MAF: variants seen among roughly 807,000 people sequenced by gnomAD.
MAF encodes transcription factor Maf.
Under a neutral mutation model 22.0 loss-of-function variants are expected in MAF, and 10 were observed. The observed-to-expected ratio is 0.45, with a 90% CI of 0.28 to 0.77. The LOEUF (loss-of-function observed/expected upper bound fraction) is 0.77, where lower values mean the gene tolerates loss of function less well. Among genes scored for constraint, MAF ranks in the 30% least tolerant of loss-of-function variants. The pLI, the probability that MAF is intolerant of heterozygous loss-of-function variation, is 0.12. For missense variants in MAF, 544 were observed against 548.4 expected (o/e 0.99, Z 0.08); for synonymous variants, 337 against 255.8 (o/e 1.32, Z -3.03).
At chr16:79,299,337 CAAAG>C in the MAF span, among the ~76,000 whole-genome samples, 1 of 104,154 alleles carries the variant, frequency 9.6e-6, no homozygotes, top group Non-Finnish European at 2.0e-5. Flanking sequence ...GAAAAACAAA[CAAAG>C]AAAAAGAAAA....
the MAF span, among the ~76,000 whole-genome samples, chr16:79,574,372 T>G: frequency 2.4e-4 from 36 of 152,336 alleles, no homozygotes; most frequent in African/African-American, 7.9e-4. Flanking sequence ...CAGAAGTCTG[T>G]GCAAATAATT....
At chr16:79,503,107 A>G in the MAF span, among the ~76,000 whole-genome samples, 1 of 152,132 alleles carries the variant, frequency 6.6e-6, no homozygotes, top group Non-Finnish European at 1.5e-5. Flanking sequence ...TAAGAAGGAC[A>G]GCTTGGTTTA....
the MAF span, among the ~76,000 whole-genome samples, chr16:79,493,107 A>C: frequency 6.6e-6 from 1 of 150,498 alleles, no homozygotes; most frequent in Admixed American, 6.6e-5. Flanking sequence ...ACAGGTGTGC[A>C]CTACCATGCT....
the MAF span, among the ~76,000 whole-genome samples, chr16:79,447,236 G>A: frequency 2.6e-5 from 4 of 151,556 alleles, no homozygotes; most frequent in Non-Finnish European, 2.9e-5. Flanking sequence ...TTTTGCCTAG[G>A]TGCTGTAAGT....
chr16:79,271,253 C>T, the MAF span, among the ~76,000 whole-genome samples: 1 of 152,084 alleles, frequency 6.6e-6, no homozygotes, highest in African/African-American at 2.4e-5. Context: ...TGTTAGGGCC[C>T]TAGCTCACTG....
the MAF span, among the ~76,000 whole-genome samples, chr16:79,512,022 G>A: frequency 1.3e-5 from 2 of 152,180 alleles, no homozygotes; most frequent in Admixed American, 6.5e-5. Flanking sequence ...GACACCCAGT[G>A]CACGAACTTC....
chr16:79,343,894 A>G, the MAF span, among the ~76,000 whole-genome samples: 1 of 152,302 alleles, frequency 6.6e-6, no homozygotes, highest in South Asian at 2.1e-4. Flanking sequence ...TGGCTCTGAC[A>G]GTTAAAAGCA....
At chr16:79,209,266 C>A in the MAF span, among the ~76,000 whole-genome samples, 47 of 152,320 alleles carry the variant, frequency 3.1e-4, no homozygotes, top group African/African-American at 1.1e-3. Context: ...GCTCCTGCAA[C>A]AATGGCATTC....
intron 1 of MAF, 175 bp downstream of exon 1, chr16:79,598,605 TGTGTG>T (rs1251113735): frequency 1.7e-5 from 25 of 1,468,768 alleles, no homozygotes; most frequent in Middle Eastern, 2.4e-4. Context: ...TGTGTGTGTG[TGTGTG>T]GTGTGTGCGT....
At chr16:79,471,346 C>T in the MAF span, among the ~76,000 whole-genome samples, 1 of 152,230 alleles carries the variant, frequency 6.6e-6, no homozygotes, top group South Asian at 2.1e-4. Context: ...TATTTTTTCA[C>T]ACTTTCCAGA....
chr16:79,522,627 A>G, the MAF span, among the ~76,000 whole-genome samples: 5 of 152,308 alleles, frequency 3.3e-5, no homozygotes, highest in African/African-American at 4.8e-5. Flanking sequence ...CAGTTCATGC[A>G]TCCAAAGGCA....
the MAF span, among the ~76,000 whole-genome samples, chr16:79,463,468 T>C: frequency 6.6e-6 from 1 of 152,202 alleles, no homozygotes; most frequent in Non-Finnish European, 1.5e-5. Context: ...ATGTCTCATA[T>C]AAACTGTGGC....
At chr16:79,547,222 C>G in the MAF span, among the ~76,000 whole-genome samples, 2 of 151,980 alleles carry the variant, frequency 1.3e-5, no homozygotes, top group Non-Finnish European at 1.5e-5. Flanking sequence ...CCTACACACA[C>G]CCCTACACAC....
chr16:79,296,649 T>A, the MAF span, among the ~76,000 whole-genome samples: 94 of 152,034 alleles, frequency 6.2e-4, no homozygotes, highest in Non-Finnish European at 1.1e-3. Context: ...ACTTCCCGGA[T>A]CTTCAAGTCT....
the MAF span, among the ~76,000 whole-genome samples, chr16:79,241,693 C>T: frequency 4.5e-4 from 68 of 152,076 alleles, no homozygotes; most frequent in African/African-American, 1.1e-3. Context: ...ATACGGACAA[C>T]GCCACAGAGA....
chr16:79,432,521 GTTTC>G, the MAF span, among the ~76,000 whole-genome samples: 7 of 152,076 alleles, frequency 4.6e-5, no homozygotes, highest in Admixed American at 1.3e-4. Flanking sequence ...TATGAATATG[GTTTC>G]TTTCTCTCAA....
At chr16:79,213,372 C>G in the MAF span, among the ~76,000 whole-genome samples, 1 of 152,190 alleles carries the variant, frequency 6.6e-6, no homozygotes, top group South Asian at 2.1e-4. Context: ...GTCTTCCTTA[C>G]GTAATCCTTA....
At chr16:79,479,378 A>C in the MAF span, among the ~76,000 whole-genome samples, 1,928 of 152,222 alleles carry the variant, frequency 0.013, 48 homozygotes, top group African/African-American at 0.044. Context: ...CTTTTCCCGG[A>C]TATGTGTTTT....
chr16:79,397,848 G>C, the MAF span, among the ~76,000 whole-genome samples: 1,684 of 152,326 alleles, frequency 0.011, 33 homozygotes, highest in African/African-American at 0.039. Flanking sequence ...CCATGCCCCA[G>C]CCAGGGTGCT....
Sources: allele counts gnomAD v4.1 joint callset (sites outside exome capture counted in the v4.1 genomes callset), GRCh38; gene constraint gnomAD v4.1.1; transcripts MANE v1.5; gene names NCBI Gene and HGNC (gene_info 2026-07-23, HGNC 2026-07-21).